DNM3: variants seen among roughly 807,000 people sequenced by gnomAD.
The protein encoded by DNM3 is dynamin 3, also known as dynamin-3.
DNM3 carries 47 observed loss-of-function variants against 101.6 expected under a neutral mutation model. That is an observed-to-expected ratio of 0.46 (90% CI 0.37 to 0.59). DNM3 has a LOEUF of 0.59. Ranked by LOEUF, DNM3 falls within the 20% of genes least tolerant of loss-of-function variation. The pLI is 0.00. For missense variants in DNM3, 849 were observed against 1,085.7 expected, an observed-to-expected ratio of 0.78 and a Z score of 3.06; for synonymous variants, 385 against 387.9, an observed-to-expected ratio of 0.99 and a Z score of 0.09.
At chr1:172,156,219 A>G (rs1257277794) in intron 14 of DNM3, among the ~76,000 whole-genome samples, 2 of 152,090 alleles carry the variant, frequency 1.3e-5, no homozygotes, top group Non-Finnish European at 2.9e-5. Flanking sequence ...ACCAGTAAGA[A>G]CTGCTGTTGG....
chr1:172,233,268 A>C (rs1384132962), intron 14 of DNM3, among the ~76,000 whole-genome samples: 2 of 152,158 alleles, frequency 1.3e-5, no homozygotes, highest in African/African-American at 4.8e-5. Flanking sequence ...AACTCTCTAC[A>C]CAAATAAACT....
chr1:172,351,221 G>A (rs2067189271), intron 17 of DNM3, among the ~76,000 whole-genome samples: 1 of 152,012 alleles, frequency 6.6e-6, no homozygotes, highest in African/African-American at 2.4e-5. Context: ...TGCTTCAAAG[G>A]TCATAATTCC....
intron 15 of DNM3, 98 bp downstream of exon 15, chr1:172,253,780 T>C: frequency 1.4e-6 from 1 of 692,774 alleles, no homozygotes; most frequent in Non-Finnish European, 2.2e-6. Flanking sequence ...GGTCACACCT[T>C]GAAATTTGTC....
chr1:171,895,905 C>G (rs2037747073), intron 1 of DNM3, among the ~76,000 whole-genome samples: 1 of 152,090 alleles, frequency 6.6e-6, no homozygotes, highest in Non-Finnish European at 1.5e-5. Flanking sequence ...AATCCTTTCC[C>G]CATTTCTTGT....
intron 1 of DNM3, among the ~76,000 whole-genome samples, chr1:171,914,127 A>G (rs2039518890): frequency 6.6e-6 from 1 of 152,082 alleles, no homozygotes; most frequent in African/African-American, 2.4e-5. Flanking sequence ...TTAAGTTTTA[A>G]AAGAGATTTC....
chr1:172,203,563 G>T (rs191667884), intron 14 of DNM3, among the ~76,000 whole-genome samples: 66 of 152,254 alleles, frequency 4.3e-4, no homozygotes, highest in African/African-American at 1.5e-3. Flanking sequence ...TAAACAACCA[G>T]ATTTCCTTGT....
chr1:171,872,789 G>T (rs10913902), intron 1 of DNM3, among the ~76,000 whole-genome samples: 111,787 of 150,316 alleles, frequency 0.74, 42,099 homozygotes, highest in African/African-American at 0.89. Context: ...AGAAATGTTT[G>T]TTTTTTTTTA....
intron 7 of DNM3, among the ~76,000 whole-genome samples, chr1:172,038,949 CT>C (rs1039097345): frequency 9.4e-5 from 14 of 149,248 alleles, no homozygotes; most frequent in Non-Finnish European, 1.9e-4. Context: ...TTTTTTTTTC[CT>C]TTTACATAAT....
At position 171,861,552 on chromosome 1, in the gene DNM3, T is replaced by C. The variant is rs141865387; in HGVS notation, c.161+19735T>C. Among the ~76,000 whole-genome samples the C allele has an allele frequency of 4.2e-3, 637 of 152,174 alleles. 7 individuals carry two copies. The South Asian group carries it at 0.047, about 11-fold the overall frequency. On this transcript the variant is annotated intron_variant, in intron 1 of 20. Coordinates refer to ENST00000627582, the MANE Select transcript of DNM3 (RefSeq NM_015569.5). ...TATATCCATGTGCAAAAGAATACAT[T>C]GGGGCCCCTACCTCACATCATATAT...
intron 4 of DNM3, among the ~76,000 whole-genome samples, chr1:171,997,710 TGGTCA>T (rs908058121): frequency 4.6e-5 from 7 of 152,150 alleles, no homozygotes; most frequent in Non-Finnish European, 2.9e-5. Flanking sequence ...AAAATGCTCC[TGGTCA>T]GTAGTGTAAG....
chr1:172,309,591 C>T lies in DNM3; in HGVS notation c.1881+752C>T, dbSNP rs777289542. The stretch of plus-strand genomic sequence containing the variant: ...GTATATCTAGATTATCCAGGTTTCT[C>T]CCCAGAACTAAAGTACTGAGACTAA... On this transcript the variant is annotated intron_variant, in intron 16 of 20. Transcript: ENST00000627582. 8.5e-5 allele frequency: 13 copies of T among 152,178 alleles called. 1 individual carries two copies. The highest frequency in any genetic ancestry group is 1.9e-4 in the Non-Finnish European group (13 of 68,054). 9.4% of individuals were successfully genotyped at this position (152,178 alleles called of 1,614,324 possible).
chr1:172,318,664 G>A (rs1408504751), intron 16 of DNM3, among the ~76,000 whole-genome samples: 1 of 152,068 alleles, frequency 6.6e-6, no homozygotes, highest in Non-Finnish European at 1.5e-5. Context: ...AAAATACCTA[G>A]GAATCCAGCT....
At chr1:172,101,501 C>G (rs2054636262) in intron 13 of DNM3, among the ~76,000 whole-genome samples, 2 of 152,136 alleles carry the variant, frequency 1.3e-5, no homozygotes, top group Admixed American at 1.3e-4. Context: ...ATAATAGTAA[C>G]TGTTTCATAA....
At chr1:171,870,235 T>C (rs185895574) in intron 1 of DNM3, among the ~76,000 whole-genome samples, 20 of 151,932 alleles carry the variant, frequency 1.3e-4, no homozygotes, top group Admixed American at 7.9e-4. Context: ...TCCTTACTGA[T>C]TTAAAGTAAA....
chr1:172,083,085 C>T (rs1290095647), intron 12 of DNM3, among the ~76,000 whole-genome samples: 3 of 152,214 alleles, frequency 2.0e-5, no homozygotes, highest in Non-Finnish European at 2.9e-5. Context: ...ACAGGCATTT[C>T]GCACAGACTT....
chr1:171,975,077 G>C (rs547232878), intron 2 of DNM3, among the ~76,000 whole-genome samples: 4 of 151,710 alleles, frequency 2.6e-5, no homozygotes, highest in African/African-American at 4.8e-5. Flanking sequence ...TGCTGGTCTT[G>C]ACCTCCTGGC....
intron 14 of DNM3, among the ~76,000 whole-genome samples, chr1:172,243,138 G>A (rs1222634837): frequency 6.6e-6 from 1 of 151,994 alleles, no homozygotes. Flanking sequence ...ATTCTTTAGT[G>A]TGTTTATCAT....
At position 172,042,158 on chromosome 1, in the gene DNM3, G is replaced by C. The variant is rs769422449; in HGVS notation, c.1128+14G>C. On this transcript the variant is annotated intron_variant, in intron 8 of 20. Transcript: ENST00000627582. ...GAGATAGTAAAGGTTTGTGTCAAACGTTATTTTTTTCTTAGTTTCACTTCA... is the reference window on the plus strand; with the variant it reads ...GAGATAGTAAAGGTTTGTGTCAAACCTTATTTTTTTCTTAGTTTCACTTCA... 6.3e-7 allele frequency: 1 copy of C among 1,577,608 alleles called. No individual in the cohort carries two copies. The highest frequency in any genetic ancestry group is 8.6e-7 in the Non-Finnish European group (1 of 1,168,606).
At chr1:172,308,057 G>T (rs996093437) in intron 15 of DNM3, among the ~76,000 whole-genome samples, 3 of 151,994 alleles carry the variant, frequency 2.0e-5, no homozygotes, top group African/African-American at 7.2e-5. Flanking sequence ...AGAAAAGAAG[G>T]TTATCTCTAG....
Sources: allele counts gnomAD v4.1 joint callset (sites outside exome capture counted in the v4.1 genomes callset), GRCh38; gene constraint gnomAD v4.1.1; transcripts MANE v1.5; gene names NCBI Gene and HGNC (gene_info 2026-07-23, HGNC 2026-07-21).